CNBD1: variants seen among roughly 807,000 people sequenced by gnomAD.
The protein encoded by CNBD1 is cyclic nucleotide binding domain containing 1, also known as cyclic nucleotide-binding domain-containing protein 1.
A neutral mutation model predicts 54.4 loss-of-function variants in CNBD1; 71 were observed. The ratio of observed to expected loss-of-function variants is 1.30; its 90% CI spans 1.08 to 1.59. CNBD1 has a LOEUF of 1.59. CNBD1 is among the 40% of genes most tolerant of loss of function. CNBD1 has a pLI of 0.00. For synonymous variants in CNBD1, 182 were observed against 170.7 expected (o/e 1.07, Z -0.51); for missense variants, 659 against 518.0 (o/e 1.27, Z -2.64).
intron 4 of CNBD1, among the ~76,000 whole-genome samples, chr8:87,007,376 A>AT (rs920707293): frequency 8.6e-5 from 13 of 151,792 alleles, no homozygotes; most frequent in South Asian, 2.1e-4. Flanking sequence ...TCTTATTTTT[A>AT]TTTTTTTTAA....
At chr8:86,881,070 A>T (rs1808599578) in intron 1 of CNBD1, among the ~76,000 whole-genome samples, 1 of 152,200 alleles carries the variant, frequency 6.6e-6, no homozygotes. Context: ...AGCCAACATC[A>T]TACTGAATGG....
intron 4 of CNBD1, among the ~76,000 whole-genome samples, chr8:87,156,348 G>T (rs548744165): frequency 7.1e-6 from 1 of 141,166 alleles, no homozygotes; most frequent in East Asian, 2.0e-4. Flanking sequence ...GAGTTCAAAC[G>T]ATTCTCGTGC....
At chr8:86,901,761 T>C (rs1469966904) in intron 2 of CNBD1, among the ~76,000 whole-genome samples, 1 of 152,164 alleles carries the variant, frequency 6.6e-6, no homozygotes, top group Non-Finnish European at 1.5e-5. Flanking sequence ...TTGAGAATCT[T>C]ATGTGGAAGG....
intron 8 of CNBD1, among the ~76,000 whole-genome samples, chr8:87,327,881 A>G (rs62526769): frequency 0.055 from 8,368 of 151,742 alleles, 265 homozygotes; most frequent in African/African-American, 0.063. Context: ...TTATGTTACT[A>G]TCTTTAATCC....
intron 3 of CNBD1, among the ~76,000 whole-genome samples, chr8:86,915,827 A>AT (rs1809175160): frequency 1.3e-5 from 2 of 152,210 alleles, no homozygotes; most frequent in East Asian, 3.9e-4. Context: ...TGGAGAAGTC[A>AT]ATCTATCTGG....
At chr8:87,127,211 G>C (rs1812011030) in intron 4 of CNBD1, among the ~76,000 whole-genome samples, 1 of 152,028 alleles carries the variant, frequency 6.6e-6, no homozygotes, top group African/African-American at 2.4e-5. Flanking sequence ...CTGGTATTTT[G>C]ATTGGAGGTG....
chr8:87,295,446 ATAAT>A (rs1434588903), intron 8 of CNBD1, among the ~76,000 whole-genome samples: 3 of 151,578 alleles, frequency 2.0e-5, no homozygotes, highest in Non-Finnish European at 4.4e-5. Context: ...CTGCTAGATA[ATAAT>A]TAAATTAAAA....
At chr8:87,258,031 T>C (rs1767390157) in intron 6 of CNBD1, among the ~76,000 whole-genome samples, 1 of 152,138 alleles carries the variant, frequency 6.6e-6, no homozygotes, top group Admixed American at 6.6e-5. Context: ...AACCTGAAGA[T>C]TAAACATTAT....
intron 8 of CNBD1, among the ~76,000 whole-genome samples, chr8:87,310,508 C>G (rs950183444): frequency 5.3e-5 from 8 of 152,148 alleles, no homozygotes; most frequent in African/African-American, 1.7e-4. Flanking sequence ...GAGAAACACT[C>G]CACCCTCATA....
chr8:87,217,971 T>C (rs1466058160), intron 5 of CNBD1, among the ~76,000 whole-genome samples: 1 of 152,152 alleles, frequency 6.6e-6, no homozygotes, highest in Non-Finnish European at 1.5e-5. Flanking sequence ...CTTGATGGTA[T>C]ATAACTTGGA....
chr8:87,049,884 T>A (rs550070388), intron 4 of CNBD1, among the ~76,000 whole-genome samples: 1 of 152,324 alleles, frequency 6.6e-6, no homozygotes. Context: ...GAAGAGCCAC[T>A]GTGGCACCTT....
At chr8:87,405,418 G>A (rs1408245602) in intron 2 of CNBD1, among the ~76,000 whole-genome samples, 1 of 151,940 alleles carries the variant, frequency 6.6e-6, no homozygotes, top group Admixed American at 6.6e-5. Flanking sequence ...ATGCTCCTTA[G>A]AGAATAATAT....
At position 87,412,766 on chromosome 8, in the gene CNBD1, C is replaced by T. The variant is rs888616519; in HGVS notation, c.214-15780C>T. Among the ~76,000 whole-genome samples the T allele has an allele frequency of 9.9e-5, 15 of 151,954 alleles. 1 individual carries two copies. Among genetic ancestry groups the T allele is most frequent in the Admixed American group, 8.5e-4 (13 of 15,226 alleles). ...ACTTTTCCGAAGAAGATTTGAGGAACTTCAGTATTTAAAGGGGAAACATCA... is the reference window on the plus strand; with the variant it reads ...ACTTTTCCGAAGAAGATTTGAGGAATTTCAGTATTTAAAGGGGAAACATCA... On this transcript the variant is annotated intron_variant, in intron 2 of 7. Coordinates refer to the CNBD1 transcript ENST00000521593.
intron 8 of CNBD1, among the ~76,000 whole-genome samples, chr8:87,307,748 T>TTATATATATATATATATATATA (rs35262193): frequency 6.5e-5 from 9 of 138,086 alleles, no homozygotes; most frequent in African/African-American, 2.0e-4. Context: ...AAAAAAAAAA[T>TTATATATATATATATATATATA]TATATATATA....
intron 6 of CNBD1, among the ~76,000 whole-genome samples, chr8:87,283,938 G>A (rs1001207797): frequency 5.9e-5 from 9 of 151,996 alleles, no homozygotes; most frequent in African/African-American, 4.8e-5. Context: ...TTGCAGATTC[G>A]AGCTCAGTTA....
At chr8:87,290,553 A>G (rs1454161877) in intron 8 of CNBD1, among the ~76,000 whole-genome samples, 2 of 152,120 alleles carry the variant, frequency 1.3e-5, no homozygotes, top group African/African-American at 4.8e-5. Context: ...ATTTACCTTT[A>G]GTGGTACTTT....
At chr8:87,411,420 A>ATATATATATATATATATATATATATG (rs1807741245) in intron 2 of CNBD1, among the ~76,000 whole-genome samples, 1 of 141,610 alleles carries the variant, frequency 7.1e-6, no homozygotes, top group Non-Finnish European at 1.5e-5. Context: ...ATATATATAT[A>ATATATATATATATATATATATATATG]TATATATTTC....
chr8:87,091,425 C>T (rs1359312609), intron 4 of CNBD1, among the ~76,000 whole-genome samples: 1 of 152,144 alleles, frequency 6.6e-6, no homozygotes, highest in Non-Finnish European at 1.5e-5. Context: ...AATCAGTCAT[C>T]TGGTTACTTC....
chr8:87,424,747 CT>C (rs1396177933), intron 2 of CNBD1, among the ~76,000 whole-genome samples: 4 of 152,156 alleles, frequency 2.6e-5, no homozygotes, highest in African/African-American at 9.7e-5. Context: ...TCTGGCTGCC[CT>C]TAACCTTTTT....
Sources: allele counts gnomAD v4.1 joint callset (sites outside exome capture counted in the v4.1 genomes callset), GRCh38; gene constraint gnomAD v4.1.1; transcripts MANE v1.5; gene names NCBI Gene and HGNC (gene_info 2026-07-23, HGNC 2026-07-21).